The following RANBP2 variants were observed in gnomAD, a reference collection of about 807,000 sequenced individuals.
RANBP2 encodes RAN binding protein 2.
Under a neutral mutation model 303.6 loss-of-function variants are expected in RANBP2, and 57 were observed. The observed-to-expected ratio is 0.19, with a 90% CI of 0.15 to 0.23. RANBP2 has a LOEUF of 0.23. RANBP2 is among the 10% of genes least tolerant of loss of function. RANBP2 has a pLI of 1.00. For synonymous variants in RANBP2, 1,167 were observed against 1,301.5 expected (o/e 0.90, Z 2.23); for missense variants, 3,138 against 3,780.8 (o/e 0.83, Z 4.46).
the RANBP2 span, among the ~76,000 whole-genome samples, chr2:109,600,148 A>G: frequency 5.6e-3 from 853 of 152,020 alleles, 14 homozygotes; most frequent in African/African-American, 0.02. Flanking sequence ...CCTGGCCCAG[A>G]CTTTGTCAGA....
At chr2:109,773,051 C>T in the RANBP2 span, among the ~76,000 whole-genome samples, 1 of 152,218 alleles carries the variant, frequency 6.6e-6, no homozygotes, top group Non-Finnish European at 1.5e-5. Context: ...ATAAAATTGT[C>T]TCTAGGAAGT....
chr2:108,741,413 G>T (rs1696076855), intron 7 of RANBP2, among the ~76,000 whole-genome samples: 1 of 150,660 alleles, frequency 6.6e-6, no homozygotes. Context: ...GGCCAGGATG[G>T]TCGCCATCTC....
At chr2:109,458,072 G>A in the RANBP2 span, among the ~76,000 whole-genome samples, 4 of 152,288 alleles carry the variant, frequency 2.6e-5, no homozygotes, top group East Asian at 5.8e-4. Flanking sequence ...GCCGGGGAGG[G>A]CACTCTGTAA....
chr2:108,885,116 A>C, the RANBP2 span: 3 of 152,202 alleles, frequency 2.0e-5, no homozygotes, highest in Admixed American at 6.5e-5. Flanking sequence ...TCTGTAAGGG[A>C]GCTGAAACTT....
At chr2:109,252,204 C>T in the RANBP2 span, among the ~76,000 whole-genome samples, 2 of 150,816 alleles carry the variant, frequency 1.3e-5, no homozygotes, top group Non-Finnish European at 2.9e-5. Flanking sequence ...ACCAAGATTG[C>T]ACCACTGCGC....
the RANBP2 span, among the ~76,000 whole-genome samples, chr2:109,711,312 C>T: frequency 1.1e-3 from 163 of 152,184 alleles, 1 homozygote; most frequent in African/African-American, 3.8e-3. Flanking sequence ...ACCCCTCACG[C>T]CCAGCCATTC....
chr2:109,043,526 G>C, the RANBP2 span, among the ~76,000 whole-genome samples: 76 of 152,108 alleles, frequency 5.0e-4, no homozygotes, highest in Non-Finnish European at 5.3e-4. Context: ...TATTTTTCAG[G>C]GTTTTACTAT....
the RANBP2 span, chr2:109,503,461 T>G: frequency 6.6e-6 from 1 of 152,166 alleles, no homozygotes; most frequent in Admixed American, 6.5e-5. Flanking sequence ...AAGATGATAA[T>G]AGATTTAATA....
At chr2:109,357,001 TGCAACATTCAA>T in the RANBP2 span, among the ~76,000 whole-genome samples, 1 of 152,154 alleles carries the variant, frequency 6.6e-6, no homozygotes, top group African/African-American at 2.4e-5. Context: ...TAGCACTGAA[TGCAACATTCAA>T]GGCATGCTGC....
chr2:109,726,429 C>A, the RANBP2 span, among the ~76,000 whole-genome samples: 1 of 151,792 alleles, frequency 6.6e-6, no homozygotes, highest in Non-Finnish European at 1.5e-5. Flanking sequence ...CCCCAAAAAA[C>A]AAAAAACAAA....
chr2:109,227,195 C>G, the RANBP2 span, among the ~76,000 whole-genome samples: 2 of 152,128 alleles, frequency 1.3e-5, no homozygotes, highest in Non-Finnish European at 2.9e-5. Flanking sequence ...GTGTTTTCTC[C>G]TGAAATTGAG....
the RANBP2 span, among the ~76,000 whole-genome samples, chr2:109,479,631 A>G: frequency 6.6e-6 from 1 of 152,172 alleles, no homozygotes; most frequent in African/African-American, 2.4e-5. Context: ...GCAAGGGGTC[A>G]GGGCTCTACT....
At chr2:109,036,483 A>G in the RANBP2 span, among the ~76,000 whole-genome samples, 127,962 of 152,172 alleles carry the variant, frequency 0.84, 56,646 homozygotes, top group Non-Finnish European at 0.97. Context: ...AAAAAATTAT[A>G]TACACCATGA....
At chr2:109,419,445 C>CA in the RANBP2 span, 1 of 1,309,704 alleles carries the variant, frequency 7.6e-7, no homozygotes, top group African/African-American at 1.5e-5. Flanking sequence ...TGGCGAAGCA[C>CA]AGGCACCTGT....
At chr2:108,815,469 T>TG in the RANBP2 span, among the ~76,000 whole-genome samples, 3 of 136,786 alleles carry the variant, frequency 2.2e-5, no homozygotes, top group African/African-American at 5.7e-5. Flanking sequence ...GTGTTTTTTT[T>TG]TTTTTTTTTT....
the RANBP2 span, among the ~76,000 whole-genome samples, chr2:109,710,366 A>T: frequency 7.7e-6 from 1 of 129,068 alleles, no homozygotes; most frequent in African/African-American, 2.9e-5. Flanking sequence ...TAGGCAACAG[A>T]GCGAGATTCT....
At chr2:109,271,115 G>C in the RANBP2 span, among the ~76,000 whole-genome samples, 1 of 152,182 alleles carries the variant, frequency 6.6e-6, no homozygotes, top group African/African-American at 2.4e-5. Context: ...GCCAGCGAAC[G>C]GGGCGAAGTG....
the RANBP2 span, among the ~76,000 whole-genome samples, chr2:108,941,335 G>A: frequency 6.6e-6 from 1 of 152,142 alleles, no homozygotes; most frequent in Admixed American, 6.5e-5. Flanking sequence ...TGACTCAAAC[G>A]TGAGGCAGGT....
At chr2:108,745,596 G>A (rs1257570023) in intron 7 of RANBP2, among the ~76,000 whole-genome samples, 1 of 121,626 alleles carries the variant, frequency 8.2e-6, no homozygotes, top group African/African-American at 5.0e-5. Flanking sequence ...TATTCATCAT[G>A]CTTTTTTTTT....
Sources: gnomAD v4.1 joint callset for allele counts (sites outside exome capture counted in the v4.1 genomes callset) on GRCh38, gnomAD v4.1.1 for gene constraint, MANE v1.5 for transcripts, NCBI Gene and HGNC (gene_info 2026-07-23, HGNC 2026-07-21) for gene names.